The following ZNF732 variants were observed in gnomAD, a reference collection of about 807,000 sequenced individuals.
The protein encoded by ZNF732 is zinc finger protein 732.
ZNF732 carries 12 observed loss-of-function variants against 11.5 expected under a neutral mutation model. That is an observed-to-expected ratio of 1.05 (90% CI 0.67 to 1.70). ZNF732 has a LOEUF of 1.70. ZNF732 is among the 40% of genes most tolerant of loss of function. The pLI, the probability that ZNF732 is intolerant of heterozygous loss-of-function variation, is 0.00. For synonymous variants in ZNF732, 231 were observed against 236.5 expected (o/e 0.98, Z 0.21); for missense variants, 702 against 676.9 (o/e 1.04, Z -0.41).
chr4:275,184 A>C (rs184634295), intron 3 of ZNF732, among the ~76,000 whole-genome samples: 4 of 151,838 alleles, frequency 2.6e-5, no homozygotes, highest in African/African-American at 9.6e-5. Flanking sequence ...TTAAAATTGA[A>C]ATTTTACAGA....
chr4:286,306 T>C (rs565170454), intron 3 of ZNF732, among the ~76,000 whole-genome samples: 77 of 152,260 alleles, frequency 5.1e-4, no homozygotes, highest in African/African-American at 1.8e-3. Flanking sequence ...AAAAAGACAA[T>C]GACAGTGAAC....
At position 271,123 on chromosome 4, in the gene ZNF732, T is replaced by C; in HGVS notation, c.1734A>G (p.Lys578=). 6.6e-7 allele frequency: 1 copy of C among 1,516,826 alleles called. No individual in the cohort carries two copies. Among genetic ancestry groups the C allele is most frequent in the Non-Finnish European group, 8.8e-7 (1 of 1,134,880 alleles). The allele number at this position is 1,516,826 out of a possible 1,614,324, so 94.0% of individuals were successfully genotyped here. A position where few individuals can be genotyped will look rare whatever the true frequency, so the allele number is the denominator to read the frequency against. Residue 578 remains lysine (K), a synonymous_variant, in exon 4 of 4, where the codon AAA becomes AAG. Transcript: ENST00000419098. ...KWSSYLNQHN[K]IYTGEKL ...TCTAGAGTTTCTCTCCAGTATAAAT[T>C]TTATTATGTTGATTAAGGTATGAGG...
intron 3 of ZNF732, among the ~76,000 whole-genome samples, chr4:274,804 CAAT>C (rs1218133329): frequency 3.3e-5 from 5 of 151,554 alleles, no homozygotes; most frequent in East Asian, 1.9e-4. Flanking sequence ...GGACATTAAA[CAAT>C]AATAATAATA....
At chr4:285,396 T>A (rs1403825034) in intron 3 of ZNF732, among the ~76,000 whole-genome samples, 1 of 152,086 alleles carries the variant, frequency 6.6e-6, no homozygotes, top group Non-Finnish European at 1.5e-5. Context: ...AGATTGAAGA[T>A]CTGAGTGGTA....
At chr4:301,924 C>A (rs1720126151) in intron 1 of ZNF732, among the ~76,000 whole-genome samples, 1 of 152,188 alleles carries the variant, frequency 6.6e-6, no homozygotes, top group South Asian at 2.1e-4. Flanking sequence ...AATCAATGCA[C>A]ATGTGTGATC....
chr4:270,796 T>G lies in ZNF732; in HGVS notation c.*303A>C. 1 of 565,960 alleles carries G rather than the reference T, an allele frequency of 1.8e-6. No individual in the cohort carries two copies. The highest frequency in any genetic ancestry group is 3.3e-6 in the Non-Finnish European group (1 of 300,724). The allele number at this position is 565,960 out of a possible 1,614,324, so 35.1% of individuals were successfully genotyped here. On this transcript the variant is annotated 3_prime_UTR_variant, in exon 4 of 4. Transcript: ENST00000419098. ...TTCATCTCCCATATGAATTTTCTTA[T>G]GTTCACTCAGGGTTGTGGACCATCT...
At chr4:299,587 TA>T (rs1259053995) in intron 1 of ZNF732, among the ~76,000 whole-genome samples, 1 of 139,758 alleles carries the variant, frequency 7.2e-6, no homozygotes, top group African/African-American at 2.7e-5. Context: ...AATTTATATA[TA>T]AATATATATT....
At chr4:274,499 ATGAG>A (rs1393782728) in intron 3 of ZNF732, among the ~76,000 whole-genome samples, 1 of 151,716 alleles carries the variant, frequency 6.6e-6, no homozygotes, top group African/African-American at 2.4e-5. Context: ...AAACAATAAG[ATGAG>A]TAAGTCTATT....
At position 272,376 on chromosome 4, in the gene ZNF732, T is replaced by C. The variant is rs782257548; in HGVS notation, c.481A>G (p.Ile161Val). 46 of 1,602,760 alleles carry C rather than the reference T, an allele frequency of 2.9e-5. No individual in the cohort carries two copies. The highest frequency in any genetic ancestry group is 3.7e-5 in the Non-Finnish European group (44 of 1,173,670). Residue 161 changes from isoleucine to valine, a missense_variant, in exon 4 of 4, where the codon ATA (isoleucine) becomes GTA (valine). Physicochemically the swap from Ile to Val is conservative, Grantham distance 29. Coordinates refer to ENST00000419098, the MANE Select transcript of ZNF732 (RefSeq NM_001137608.3). ...STFSNSNQRR[I>V]RHTGEKHFKE... ...AAGTGTTTCTCTCCAGTATGTCTTA[T>C]CCTACGTTGGTTTGAATTTGAAAAT...
intron 1 of ZNF732, 50 bp from the exon 2 acceptor site, chr4:296,205 T>C (rs2108659669): frequency 1.3e-6 from 2 of 1,595,132 alleles, no homozygotes; most frequent in Non-Finnish European, 1.7e-6. Context: ...TGACTACAGG[T>C]GAAATGAGTT....
chr4:305,265 A>C, intron 1 of ZNF732, 43 bp downstream of exon 1: 1 of 1,597,324 alleles, frequency 6.3e-7, no homozygotes, highest in Non-Finnish European at 8.5e-7. Flanking sequence ...GCCGGTTCGG[A>C]TGAGGCCTCC....
At position 271,922 on chromosome 4, in the gene ZNF732, C is replaced by G. The variant is rs1719383943; in HGVS notation, c.935G>C (p.Gly312Ala). 1 of 1,610,586 alleles carries G rather than the reference C, an allele frequency of 6.2e-7. No homozygotes were observed. The highest frequency in any genetic ancestry group is 1.7e-5 in the Admixed American group (1 of 59,416). The stretch of plus-strand genomic sequence containing the variant: ...GGTTGTGGACCTATTAAAGACTTTG[C>G]CACATTCCTGACATTTGTAGAGTTT... ...GEKLYKCQEC[G>A]KVFNRSTTLT... Residue 312 changes from glycine to alanine, a missense_variant, in exon 4 of 4, where the codon GGC becomes GCC. This residue lies in a region of ZNF732 where 596 missense variants were observed against 557.9 expected (regional missense o/e 1.07). Transcript: ENST00000419098.
chr4:291,212 G>C (rs1719837537), intron 3 of ZNF732, among the ~76,000 whole-genome samples: 1 of 152,202 alleles, frequency 6.6e-6, no homozygotes, highest in South Asian at 2.1e-4. Context: ...TAAGGTATCA[G>C]GATACGTAAT....
intron 3 of ZNF732, among the ~76,000 whole-genome samples, chr4:292,785 G>A (rs960386995): frequency 1.3e-5 from 2 of 148,210 alleles, no homozygotes; most frequent in Non-Finnish European, 3.0e-5. Flanking sequence ...AGTGGCTCAC[G>A]CCTGTAATCC....
At chr4:297,194 G>T (rs937144044) in intron 1 of ZNF732, among the ~76,000 whole-genome samples, 5 of 152,052 alleles carry the variant, frequency 3.3e-5, no homozygotes, top group African/African-American at 1.2e-4. Context: ...CTTGAATCCG[G>T]GAGCTGGAGG....
chr4:287,504 C>T (rs1056382261), intron 3 of ZNF732, among the ~76,000 whole-genome samples: 4 of 152,014 alleles, frequency 2.6e-5, no homozygotes, highest in Non-Finnish European at 4.4e-5. Flanking sequence ...CGTGAGTCAT[C>T]GCACGTGGCC....
chr4:296,472 T>C (rs1248367898), intron 1 of ZNF732, among the ~76,000 whole-genome samples: 2 of 152,072 alleles, frequency 1.3e-5, no homozygotes, highest in Non-Finnish European at 2.9e-5. Flanking sequence ...ACGCTTGACC[T>C]TGGCCTCGCT....
At chr4:279,390 G>C (rs1434881252) in intron 3 of ZNF732, among the ~76,000 whole-genome samples, 1 of 151,042 alleles carries the variant, frequency 6.6e-6, no homozygotes, top group Non-Finnish European at 1.5e-5. Flanking sequence ...AGCTTGCAGT[G>C]AGCCAATATC....
chr4:302,559 G>A (rs1456825710), intron 1 of ZNF732, among the ~76,000 whole-genome samples: 3 of 152,284 alleles, frequency 2.0e-5, no homozygotes, highest in East Asian at 1.9e-4. Context: ...GATTTGCAAC[G>A]TGAGGCTAGG....
Sources: allele counts gnomAD v4.1 joint callset (sites outside exome capture counted in the v4.1 genomes callset), GRCh38; gene constraint gnomAD v4.1.1; regional missense constraint gnomAD v4.1.1; transcripts MANE v1.5; gene names NCBI Gene and HGNC (gene_info 2026-07-23, HGNC 2026-07-21).